Variants in SMYD3 observed in about 807,000 individuals in gnomAD.
The protein encoded by SMYD3 is histone-lysine N-methyltransferase SMYD3.
Under a neutral mutation model 57.7 loss-of-function variants are expected in SMYD3, and 36 were observed. The ratio of observed to expected loss-of-function variants is 0.62; its 90% CI spans 0.48 to 0.82. The LOEUF is 0.82. Among genes scored for constraint, SMYD3 ranks in the 40% least tolerant of loss-of-function variants. The probability of loss-of-function intolerance (pLI) is 0.00; values close to 1 mark genes in which losing one functional copy is unlikely to be tolerated. For missense variants in SMYD3, 515 were observed against 538.8 expected, an observed-to-expected ratio of 0.96 and a Z score of 0.44; for synonymous variants, 211 against 195.0, an observed-to-expected ratio of 1.08 and a Z score of -0.68.
intron 5 of SMYD3, among the ~76,000 whole-genome samples, chr1:246,146,871 C>T (rs2061851470): frequency 6.6e-6 from 1 of 152,146 alleles, no homozygotes; most frequent in Non-Finnish European, 1.5e-5. Flanking sequence ...AACTGTTCCT[C>T]CCTTGGTGAA....
At chr1:245,825,462 C>A (rs2049430037) in intron 10 of SMYD3, among the ~76,000 whole-genome samples, 1 of 152,214 alleles carries the variant, frequency 6.6e-6, no homozygotes, top group Non-Finnish European at 1.5e-5. Flanking sequence ...TCTATCTGGC[C>A]TGCTTCTCTG....
intron 1 of SMYD3, among the ~76,000 whole-genome samples, chr1:246,366,755 A>C (rs2066109475): frequency 6.6e-6 from 1 of 151,482 alleles, no homozygotes; most frequent in South Asian, 2.1e-4. Context: ...CCATGGTGAA[A>C]CCCTGTCTCT....
intron 5 of SMYD3, among the ~76,000 whole-genome samples, chr1:246,228,874 C>T (rs2148442666): frequency 6.6e-6 from 1 of 152,062 alleles, no homozygotes; most frequent in Admixed American, 6.6e-5. Context: ...AAGAAGTTCC[C>T]ATGATCTTTG....
At chr1:246,289,046 C>T (rs1259286915) in intron 5 of SMYD3, among the ~76,000 whole-genome samples, 5 of 152,080 alleles carry the variant, frequency 3.3e-5, no homozygotes, top group Admixed American at 1.3e-4. Context: ...ACCCAGGAGG[C>T]GGAGGTTGCA....
intron 10 of SMYD3, among the ~76,000 whole-genome samples, chr1:245,825,042 AC>A (rs2049405856): frequency 6.6e-6 from 1 of 152,030 alleles, no homozygotes; most frequent in African/African-American, 2.4e-5. Context: ...AAAGAAAAAA[AC>A]CAAAACAAAA....
chr1:246,099,437 C>T (rs895579755), intron 5 of SMYD3, among the ~76,000 whole-genome samples: 1 of 152,042 alleles, frequency 6.6e-6, no homozygotes, highest in Admixed American at 6.6e-5. Flanking sequence ...GCACTGTCAC[C>T]AATATCCCGA....
chr1:246,002,699 G>A (rs183753607), intron 5 of SMYD3, among the ~76,000 whole-genome samples: 2 of 146,624 alleles, frequency 1.4e-5, no homozygotes, highest in Non-Finnish European at 3.0e-5. Flanking sequence ...TGATCCGACC[G>A]CCTCAGCCTC....
Position 245,858,640 on chromosome 1 carries a change from G to T in SMYD3, c.932C>A (p.Ala311Glu). Reference protein sequence around the residue: ...KWEQVLAMCQAIISSNSERLP... With the variant: ...KWEQVLAMCQEIISSNSERLP... ...CCGTTCAGAATTGCTGCTTATGATT[G>T]CCTGGCACATGGCCAGAACCTGCTC... Residue 311 changes from alanine to glutamate, a missense_variant, in exon 10 of 12, where the codon GCA becomes GAA. Coordinates refer to ENST00000490107, the MANE Select transcript of SMYD3 (RefSeq NM_001167740.2). 6.2e-7 allele frequency: 1 copy of T among 1,614,170 alleles called. No individual in the cohort carries two copies. Among genetic ancestry groups the T allele is most frequent in the Non-Finnish European group, 8.5e-7 (1 of 1,180,020 alleles).
At chr1:245,872,844 A>C (rs1295389589) in intron 8 of SMYD3, among the ~76,000 whole-genome samples, 1 of 152,242 alleles carries the variant, frequency 6.6e-6, no homozygotes, top group Middle Eastern at 3.2e-3. Context: ...TTCCCTTCAT[A>C]GCTTCTGGGA....
intron 1 of SMYD3, among the ~76,000 whole-genome samples, chr1:246,418,492 G>C (rs113336599): frequency 6.6e-6 from 1 of 152,114 alleles, no homozygotes; most frequent in South Asian, 2.1e-4. Flanking sequence ...TAATCTAGCC[G>C]TCTGTAGGCA....
intron 10 of SMYD3, among the ~76,000 whole-genome samples, chr1:245,834,368 G>A (rs2050000334): frequency 6.6e-6 from 1 of 152,160 alleles, no homozygotes; most frequent in Non-Finnish European, 1.5e-5. Context: ...GAGTAAAAAT[G>A]GTCCAGACAG....
chr1:245,921,572 C>CATAT lies in SMYD3; in HGVS notation c.703-5933_703-5932insATAT, dbSNP rs59746333. 3.3e-4 allele frequency among the ~76,000 whole-genome samples: 46 copies of CATAT among 139,984 alleles called. 1 individual carries two copies. Among genetic ancestry groups the CATAT allele is most frequent in the African/African-American group, 1.2e-3 (44 of 36,856 alleles). The allele number at this position is 139,984 out of a possible 152,430, so 91.8% of individuals were successfully genotyped here. On this transcript the variant is annotated intron_variant, in intron 7 of 11. Transcript: ENST00000490107. ...GTGTATATATATATATATATATATA[C>CATAT]ACATACCATGGAATAGTATGCAGCC...
chr1:245,793,632 TGCTCTGCCCA>T (rs1394083957), intron 10 of SMYD3, among the ~76,000 whole-genome samples: 3 of 151,642 alleles, frequency 2.0e-5, no homozygotes, highest in Non-Finnish European at 2.9e-5. Context: ...TGCCCTCCCC[TGCTCTGCCCA>T]GTGCCCCCCC....
intron 10 of SMYD3, among the ~76,000 whole-genome samples, chr1:245,789,187 T>C (rs984965154): frequency 2.0e-5 from 3 of 152,152 alleles, no homozygotes; most frequent in Non-Finnish European, 2.9e-5. Flanking sequence ...TAATGTGCCA[T>C]TTCGGGGACC....
At chr1:245,915,980 T>C (rs2055387951) in intron 7 of SMYD3, among the ~76,000 whole-genome samples, 1 of 152,176 alleles carries the variant, frequency 6.6e-6, no homozygotes, top group East Asian at 1.9e-4. Context: ...ATAAATTCTA[T>C]AACCATTAGC....
At chr1:245,893,759 A>ATGGTGGTGG (rs3052907) in intron 8 of SMYD3, among the ~76,000 whole-genome samples, 2 of 151,700 alleles carry the variant, frequency 1.3e-5, no homozygotes, top group Admixed American at 6.6e-5. Flanking sequence ...CTCTATCTTG[A>ATGGTGGTGG]TGGTGGTGGT....
At chr1:246,378,688 C>T (rs2066321018) in intron 1 of SMYD3, among the ~76,000 whole-genome samples, 2 of 84,202 alleles carry the variant, frequency 2.4e-5, no homozygotes, top group Non-Finnish European at 4.8e-5. Flanking sequence ...CATATATATA[C>T]TTAATAAACT....
intron 5 of SMYD3, among the ~76,000 whole-genome samples, chr1:246,218,570 G>A (rs546758658): frequency 1.7e-4 from 26 of 151,540 alleles, no homozygotes; most frequent in African/African-American, 4.9e-4. Context: ...GCAGTAAACC[G>A]AGATGGCGCC....
intron 5 of SMYD3, among the ~76,000 whole-genome samples, chr1:246,177,240 T>A (rs2062449632): frequency 1.3e-5 from 2 of 152,228 alleles, no homozygotes; most frequent in Admixed American, 6.5e-5. Flanking sequence ...CTCTCAATTA[T>A]GAGCAAATTT....
Sources: allele counts gnomAD v4.1 joint callset (sites outside exome capture counted in the v4.1 genomes callset), GRCh38; gene constraint gnomAD v4.1.1; transcripts MANE v1.5; gene names NCBI Gene and HGNC (gene_info 2026-07-23, HGNC 2026-07-21).